Variants in ESRRB observed in about 807,000 individuals in gnomAD.
ESRRB encodes estrogen related receptor beta.
A neutral mutation model predicts 46.0 loss-of-function variants in ESRRB; 16 were observed. That is an observed-to-expected ratio of 0.35 (90% CI 0.24 to 0.53). The LOEUF is 0.53. Among genes scored for constraint, ESRRB ranks in the 20% least tolerant of loss-of-function variants. The pLI is 0.93. For missense variants in ESRRB, 488 were observed against 607.4 expected (o/e 0.80, Z 2.07); for synonymous variants, 246 against 259.6 (o/e 0.95, Z 0.50).
intron 1 of ESRRB, among the ~76,000 whole-genome samples, chr14:76,339,546 G>C (rs560410486): frequency 1.3e-5 from 2 of 152,166 alleles, no homozygotes; most frequent in African/African-American, 4.8e-5. Flanking sequence ...GCTTATGGAC[G>C]TGTACTGTAC....
intron 1 of ESRRB, among the ~76,000 whole-genome samples, chr14:76,346,611 C>A (rs1203797115): frequency 6.6e-6 from 1 of 152,206 alleles, no homozygotes; most frequent in Non-Finnish European, 1.5e-5. Context: ...GTGCCAGCCT[C>A]CATGCCCCTC....
intron 1 of ESRRB, among the ~76,000 whole-genome samples, chr14:76,344,837 G>C (rs1186174256): frequency 6.9e-6 from 1 of 145,320 alleles, no homozygotes; most frequent in Non-Finnish European, 1.5e-5. Context: ...GGGTGACAGA[G>C]ACTCCATCTC....
chr14:76,374,063 C>T (rs1430861052), upstream of ESRRB, among the ~76,000 whole-genome samples: 2 of 152,194 alleles, frequency 1.3e-5, no homozygotes, highest in Non-Finnish European at 2.9e-5. Flanking sequence ...CCCATCACTG[C>T]CTCACCTTCT....
chr14:76,326,660 G>A (rs1883933563), intron 1 of ESRRB, among the ~76,000 whole-genome samples: 1 of 152,150 alleles, frequency 6.6e-6, no homozygotes, highest in African/African-American at 2.4e-5. Context: ...GCTGACTCAA[G>A]AGTTTGGCTG....
intron 1 of ESRRB, among the ~76,000 whole-genome samples, chr14:76,404,644 C>T (rs1278894436): frequency 6.6e-6 from 1 of 152,166 alleles, no homozygotes; most frequent in African/African-American, 2.4e-5. Flanking sequence ...TTTCTCCCTC[C>T]CCTTCCCAGT....
intron 1 of ESRRB, among the ~76,000 whole-genome samples, chr14:76,336,077 C>T (rs1048940547): frequency 3.3e-5 from 5 of 152,144 alleles, no homozygotes; most frequent in Non-Finnish European, 7.3e-5. Context: ...GTAAACACGC[C>T]GTGTCATCCT....
At chr14:76,463,222 C>G (rs1056893491) in intron 3 of ESRRB, 4 of 183,636 alleles carry the variant, frequency 2.2e-5, no homozygotes, top group African/African-American at 9.5e-5. Context: ...GCTGTGCTGT[C>G]TAATATGGCA....
intron 1 of ESRRB, among the ~76,000 whole-genome samples, chr14:76,423,497 G>C (rs1390620503): frequency 1.3e-5 from 2 of 152,138 alleles, no homozygotes; most frequent in Non-Finnish European, 2.9e-5. Context: ...CTGATGGCAA[G>C]GTGGATCCTT....
chr14:76,380,305 G>A (rs1325639845), intron 1 of ESRRB, among the ~76,000 whole-genome samples: 1 of 152,108 alleles, frequency 6.6e-6, no homozygotes, highest in Admixed American at 6.5e-5. Context: ...TGGGGAGGGC[G>A]GTGGAGTTGG....
intron 1 of ESRRB, among the ~76,000 whole-genome samples, chr14:76,422,448 T>C (rs1422339768): frequency 1.3e-5 from 2 of 151,944 alleles, no homozygotes; most frequent in African/African-American, 2.4e-5. Flanking sequence ...CCTGACCTCA[T>C]GATCTGCCTG....
At chr14:76,360,635 T>C (rs570738774) in intron 1 of ESRRB, among the ~76,000 whole-genome samples, 138 of 152,192 alleles carry the variant, frequency 9.1e-4, no homozygotes, top group Admixed American at 2.0e-3. Flanking sequence ...GAGGTGGCAA[T>C]GTAGGAGAGA....
At chr14:76,332,179 G>A (rs1472674082) in intron 1 of ESRRB, among the ~76,000 whole-genome samples, 1 of 151,840 alleles carries the variant, frequency 6.6e-6, no homozygotes, top group Non-Finnish European at 1.5e-5. Flanking sequence ...CTGCAGAGGT[G>A]ACATGTAAGC....
intron 1 of ESRRB, among the ~76,000 whole-genome samples, chr14:76,332,826 AT>A (rs376959244): frequency 0.086 from 924 of 10,800 alleles, 44 homozygotes; most frequent in Middle Eastern, 0.12. Flanking sequence ...ATATTTATAT[AT>A]TTATATATTA....
intron 2 of ESRRB, among the ~76,000 whole-genome samples, chr14:76,447,294 C>CTTCT (rs1888194152): frequency 8.7e-6 from 1 of 114,942 alleles, no homozygotes; most frequent in African/African-American, 4.0e-5. Flanking sequence ...TCCTTCCTTC[C>CTTCT]TTCCTTCTTT....
At chr14:76,358,367 GAAAGAAAGAAAGAA>G (rs1884418499) in intron 1 of ESRRB, among the ~76,000 whole-genome samples, 1 of 62,982 alleles carries the variant, frequency 1.6e-5, no homozygotes, top group Non-Finnish European at 3.5e-5. Flanking sequence ...AAGAAAGAAA[GAAAGAAAGAAAGAA>G]AGAAAGAAAG....
At chr14:76,314,858 T>C (rs1296218222) in intron 1 of ESRRB, among the ~76,000 whole-genome samples, 2 of 151,848 alleles carry the variant, frequency 1.3e-5, no homozygotes, top group African/African-American at 4.8e-5. Flanking sequence ...AGGCCCTGGC[T>C]CCCCTGGAGA....
At chr14:76,356,458 C>G (rs1301488633) in intron 1 of ESRRB, among the ~76,000 whole-genome samples, 1 of 152,220 alleles carries the variant, frequency 6.6e-6, no homozygotes. Context: ...CCCAGAGACT[C>G]TAGCCCCAAA....
At chr14:76,460,216 A>T (rs1430324225) in intron 2 of ESRRB, among the ~76,000 whole-genome samples, 3 of 152,164 alleles carry the variant, frequency 2.0e-5, no homozygotes, top group African/African-American at 7.2e-5. Context: ...CCTACTACCC[A>T]CCAGGCGACC....
rs540658331 is a variant in ESRRB, at chr14:76,356,274, T to G, written c.2+45358T>G. 1.1e-4 allele frequency among the ~76,000 whole-genome samples: 17 copies of G among 152,324 alleles called. 1 individual carries two copies. Among genetic ancestry groups the G allele is most frequent in the African/African-American group, 3.6e-4 (15 of 41,564 alleles). ...GCCTGGCTGTGTCTACAGCAAAGCATTGACTCCTACATTGTGGTGCAGGGA... is the reference window on the plus strand; with the variant it reads ...GCCTGGCTGTGTCTACAGCAAAGCAGTGACTCCTACATTGTGGTGCAGGGA... On this transcript the variant is annotated intron_variant, in intron 1 of 6. Coordinates refer to the ESRRB transcript ENST00000512784.
Sources: allele counts gnomAD v4.1 joint callset (sites outside exome capture counted in the v4.1 genomes callset), GRCh38; gene constraint gnomAD v4.1.1; transcripts MANE v1.5; gene names NCBI Gene and HGNC (gene_info 2026-07-23, HGNC 2026-07-21).